CPA6: variants seen among roughly 807,000 people sequenced by gnomAD.
CPA6 encodes carboxypeptidase A6.
A neutral mutation model predicts 63.3 loss-of-function variants in CPA6; 58 were observed. That is an observed-to-expected ratio of 0.92 (90% CI 0.74 to 1.14). CPA6 has a LOEUF of 1.14. Ranked by LOEUF, CPA6 falls within the 50% of genes most tolerant of loss-of-function variation. CPA6 has a pLI of 0.00. For synonymous variants in CPA6, 185 were observed against 179.0 expected, an observed-to-expected ratio of 1.03 and a Z score of -0.27; for missense variants, 565 against 526.6, an observed-to-expected ratio of 1.07 and a Z score of -0.71.
At chr8:67,461,142 G>A (rs1810793161) in intron 8 of CPA6, among the ~76,000 whole-genome samples, 1 of 147,406 alleles carries the variant, frequency 6.8e-6, no homozygotes, top group South Asian at 2.2e-4. Flanking sequence ...GACAATAGTG[G>A]AGGGAAGGTC....
rs189105078 is a variant in CPA6 at position 67,443,225 on chromosome 8, T to C, written c.839-8985A>G. Among the ~76,000 whole-genome samples the C allele has an allele frequency of 3.5e-3, 533 of 152,144 alleles. 5 individuals carry two copies. The highest frequency in any genetic ancestry group is 0.012 in the African/African-American group (510 of 41,506). ...TTAGGTGCGCACCACCATGCCTGGC[T>C]AATTTTGTATTTTTAGTAGAGACGG... On this transcript the variant is annotated intron_variant, in intron 8 of 10. Coordinates refer to ENST00000297770, the MANE Select transcript of CPA6 (RefSeq NM_020361.5).
intron 2 of CPA6, among the ~76,000 whole-genome samples, chr8:67,608,878 T>A (rs1814734399): frequency 6.6e-6 from 1 of 152,196 alleles, no homozygotes; most frequent in Admixed American, 6.5e-5. Context: ...CATGATCAGT[T>A]GTATGGCCAC....
intron 1 of CPA6, among the ~76,000 whole-genome samples, chr8:67,697,522 A>C (rs1816933095): frequency 6.6e-6 from 1 of 152,212 alleles, no homozygotes; most frequent in African/African-American, 2.4e-5. Context: ...TATTAAATGA[A>C]ATATATGCTA....
chr8:67,719,247 ATTGT>A (rs1817445275), intron 1 of CPA6, among the ~76,000 whole-genome samples: 1 of 152,078 alleles, frequency 6.6e-6, no homozygotes, highest in Non-Finnish European at 1.5e-5. Flanking sequence ...TCCCTGTGGG[ATTGT>A]TTGGTCAATG....
rs191128892 is a variant in CPA6, at chr8:67,426,994, G to A, written c.1126+1053C>T. On this transcript the variant is annotated intron_variant, in intron 10 of 10. Coordinates refer to ENST00000297770, the MANE Select transcript of CPA6 (RefSeq NM_020361.5). ...GAAGTTCTTGCCATATACCCACTTG[G>A]AAGGACATGCCATCCCAAAATAAGC... 2.1e-3 allele frequency among the ~76,000 whole-genome samples: 319 copies of A among 152,266 alleles called. 1 individual carries two copies. The highest frequency in any genetic ancestry group is 7.4e-3 in the African/African-American group (309 of 41,552).
chr8:67,694,209 C>A (rs1179506692), intron 1 of CPA6, among the ~76,000 whole-genome samples: 1 of 151,982 alleles, frequency 6.6e-6, no homozygotes, highest in Non-Finnish European at 1.5e-5. Context: ...TGTGATGCAG[C>A]AGATCCAATG....
intron 1 of CPA6, among the ~76,000 whole-genome samples, chr8:67,657,944 C>T (rs1378928740): frequency 6.6e-6 from 1 of 152,200 alleles, no homozygotes; most frequent in Non-Finnish European, 1.5e-5. Flanking sequence ...TCCTGCCAGC[C>T]ATGACTCTAG....
At chr8:67,730,391 G>A (rs1313759504) in intron 1 of CPA6, among the ~76,000 whole-genome samples, 1 of 152,160 alleles carries the variant, frequency 6.6e-6, no homozygotes, top group Non-Finnish European at 1.5e-5. Context: ...CCCTCTGTGG[G>A]GATACCAACC....
At chr8:67,706,628 C>T (rs1387042905) in intron 1 of CPA6, among the ~76,000 whole-genome samples, 2 of 151,814 alleles carry the variant, frequency 1.3e-5, no homozygotes, top group Non-Finnish European at 2.9e-5. Flanking sequence ...AATATATTAG[C>T]TAAAATTAAA....
chr8:67,540,450 T>G (rs1424222107), intron 2 of CPA6, among the ~76,000 whole-genome samples: 1 of 152,186 alleles, frequency 6.6e-6, no homozygotes, highest in Non-Finnish European at 1.5e-5. Context: ...CAAACCCTGC[T>G]GGGAGGTGTC....
intron 1 of CPA6, among the ~76,000 whole-genome samples, chr8:67,726,603 C>T (rs1817600653): frequency 6.6e-6 from 1 of 152,122 alleles, no homozygotes; most frequent in Admixed American, 6.6e-5. Flanking sequence ...ATTTCAAATG[C>T]TTTTTTCCTA....
At chr8:67,732,321 T>G (rs1414650134) in intron 1 of CPA6, among the ~76,000 whole-genome samples, 1 of 152,220 alleles carries the variant, frequency 6.6e-6, no homozygotes, top group Non-Finnish European at 1.5e-5. Context: ...TTTAGTGTGA[T>G]AAAACTGCCT....
At chr8:67,682,385 C>T (rs1262780636) in intron 1 of CPA6, among the ~76,000 whole-genome samples, 1 of 152,058 alleles carries the variant, frequency 6.6e-6, no homozygotes, top group Non-Finnish European at 1.5e-5. Context: ...CAGTTTGTGT[C>T]TTTTTCGTAT....
At position 67,552,774 on chromosome 8, in the gene CPA6, C is replaced by CAAAAAAA. The variant is rs762395117; in HGVS notation, c.193-34734_193-34728dup. On this transcript the variant is annotated intron_variant, in intron 2 of 10. Coordinates refer to ENST00000297770, the MANE Select transcript of CPA6 (RefSeq NM_020361.5). ...CCTGGGTGACAGAGCAAGACTGTCT[C>CAAAAAAA]AAAAAAAAAAAAAAAAAAAAAAAAA... 2.0e-3 allele frequency among the ~76,000 whole-genome samples: 42 copies of CAAAAAAA among 20,910 alleles called. 1 individual carries two copies. The highest frequency in any genetic ancestry group is 2.7e-3 in the African/African-American group (17 of 6,396). The allele number at this position is 20,910 out of a possible 152,430, so 13.7% of individuals were successfully genotyped here.
At position 67,489,303 on chromosome 8, in the gene CPA6, A is replaced by C. The variant is rs139400518; in HGVS notation, c.637-4514T>G. Among the ~76,000 whole-genome samples the C allele has an allele frequency of 2.9e-3, 436 of 152,136 alleles. 1 individual carries two copies. Among genetic ancestry groups the C allele is most frequent in the African/African-American group, 9.8e-3 (407 of 41,532 alleles). On this transcript the variant is annotated intron_variant, in intron 6 of 10. Transcript: ENST00000297770. ...TTGTGAGTGGAAAGATTGGCTCACT[A>C]ACTTGGAGACTTTATTCGTTTCTCA...
chr8:67,530,193 T>C (rs971126998), intron 2 of CPA6, among the ~76,000 whole-genome samples: 1 of 130,012 alleles, frequency 7.7e-6, no homozygotes, highest in Non-Finnish European at 1.6e-5. Context: ...TCCCAGAGAG[T>C]AGAACAAAAT....
chr8:67,460,018 A>T (rs879250412), intron 8 of CPA6, among the ~76,000 whole-genome samples: 2 of 148,276 alleles, frequency 1.3e-5, no homozygotes, highest in Non-Finnish European at 3.0e-5. Flanking sequence ...TCTTGGGGGG[A>T]AAAAAAGGCA....
intron 6 of CPA6, among the ~76,000 whole-genome samples, chr8:67,487,114 T>C (rs889107120): frequency 2.0e-5 from 3 of 152,204 alleles, no homozygotes; most frequent in African/African-American, 4.8e-5. Flanking sequence ...TGCAGGTTTG[T>C]TACATAGGTA....
chr8:67,496,559 T>TATATA (rs1811722289), intron 6 of CPA6, among the ~76,000 whole-genome samples: 25 of 105,234 alleles, frequency 2.4e-4, no homozygotes, highest in African/African-American at 9.6e-4. Flanking sequence ...ATATATATAT[T>TATATA]TATTTTATTT....
Sources: gnomAD v4.1 joint callset for allele counts (sites outside exome capture counted in the v4.1 genomes callset) on GRCh38, gnomAD v4.1.1 for gene constraint, MANE v1.5 for transcripts, NCBI Gene and HGNC (gene_info 2026-07-23, HGNC 2026-07-21) for gene names.